Variants in TMEM74 observed in about 807,000 individuals in gnomAD.
TMEM74 encodes transmembrane protein 74.
TMEM74 carries 13 observed loss-of-function variants against 18.1 expected under a neutral mutation model. The ratio of observed to expected loss-of-function variants is 0.72; its 90% CI spans 0.47 to 1.14. The LOEUF (loss-of-function observed/expected upper bound fraction) is 1.14, where lower values mean the gene tolerates loss of function less well. TMEM74 is among the 50% of genes most tolerant of loss of function. TMEM74 has a pLI of 0.00. For synonymous variants in TMEM74, 159 were observed against 146.6 expected (o/e 1.08, Z -0.61); for missense variants, 372 against 375.9 (o/e 0.99, Z 0.09).
At chr8:108,718,465 C>T (rs551745380) in intron 1 of TMEM74, among the ~76,000 whole-genome samples, 2 of 152,162 alleles carry the variant, frequency 1.3e-5, no homozygotes, top group Non-Finnish European at 2.9e-5. Flanking sequence ...AACCTCTGTT[C>T]ACAACAGCAG....
chr8:108,733,778 G>A (rs1166868558), intron 1 of TMEM74, among the ~76,000 whole-genome samples: 2 of 152,126 alleles, frequency 1.3e-5, no homozygotes, highest in Non-Finnish European at 1.5e-5. Flanking sequence ...TCCTAGAAAG[G>A]GATTGTTCAT....
At chr8:108,765,407 C>CTTTTTTTTTTTTTTTTTTTTT (rs61334796) in intron 1 of TMEM74, among the ~76,000 whole-genome samples, 12 of 120,710 alleles carry the variant, frequency 9.9e-5, no homozygotes, top group African/African-American at 3.5e-4. Context: ...TTTGGAACTA[C>CTTTTTTTTTTTTTTTTTTTTT]TTTTTTTTTT....
At chr8:108,685,558 C>T (rs1331709873) in intron 1 of TMEM74, among the ~76,000 whole-genome samples, 3 of 152,096 alleles carry the variant, frequency 2.0e-5, no homozygotes, top group African/African-American at 7.2e-5. Flanking sequence ...AAATAGCAAA[C>T]ATAATACTTA....
chr8:108,648,138 G>A (rs1184877414), intron 2 of TMEM74, among the ~76,000 whole-genome samples: 1 of 152,082 alleles, frequency 6.6e-6, no homozygotes, highest in Non-Finnish European at 1.5e-5. Flanking sequence ...TTCTTACAAT[G>A]TGATGTCACA....
chr8:108,708,090 A>G (rs759436528), intron 1 of TMEM74, among the ~76,000 whole-genome samples: 6 of 152,002 alleles, frequency 3.9e-5, no homozygotes, highest in Non-Finnish European at 8.8e-5. Context: ...TGAGTACCCA[A>G]TGTTTAGCTC....
chr8:108,724,405 T>C (rs1285549194), intron 1 of TMEM74, among the ~76,000 whole-genome samples: 1 of 152,180 alleles, frequency 6.6e-6, no homozygotes, highest in African/African-American at 2.4e-5. Context: ...ATAAATGTTA[T>C]GAAATCAAGT....
rs1231024456 is a variant in TMEM74, at chr8:108,781,657, AAAT to A, written c.*2521_*2523del. Among the ~76,000 whole-genome samples the A allele has an allele frequency of 3.9e-5, 6 of 152,200 alleles. No homozygotes were observed. The highest frequency in any genetic ancestry group is 7.3e-5 in the Non-Finnish European group (5 of 68,036). ...AGGTGCTCTATATGTTAGCAGATTT[AAAT>A]AATGTTGAAGTGTGCATTTACTTAC... On this transcript the variant is annotated 3_prime_UTR_variant, in exon 2 of 2. Transcript: ENST00000297459.
At chr8:108,652,766 G>A in intron 2 of TMEM74, 2 of 529,344 alleles carry the variant, frequency 3.8e-6, no homozygotes, top group South Asian at 1.9e-5. Context: ...GACAAAGGCT[G>A]TGTATCAATT....
intron 2 of TMEM74, among the ~76,000 whole-genome samples, chr8:108,618,751 T>C (rs943633366): frequency 1.3e-5 from 2 of 152,202 alleles, no homozygotes; most frequent in African/African-American, 4.8e-5. Context: ...TTATGTTTAG[T>C]ATGTTTTATT....
chr8:108,772,999 T>C (rs1195658583), intron 1 of TMEM74, among the ~76,000 whole-genome samples: 1 of 152,130 alleles, frequency 6.6e-6, no homozygotes, highest in Non-Finnish European at 1.5e-5. Flanking sequence ...CATCAATAAG[T>C]AAGTTACTTA....
chr8:108,663,361 A>C lies in TMEM74; in HGVS notation n.120-7924T>G, dbSNP rs536870096. Among the ~76,000 whole-genome samples, 8 of 152,324 alleles carry C rather than the reference A, an allele frequency of 5.3e-5. No individual in the cohort carries two copies. The South Asian group carries it at 1.7e-3, about 32-fold the overall frequency. On this transcript the variant is annotated intron_variant and non_coding_transcript_variant, in intron 1 of 3. Transcript: ENST00000518838. ...CATGCGGTCAACAAACATATGGAAA[A>C]AAGCTCAACATCACTGATTTAGAGA...
intron 2 of TMEM74, among the ~76,000 whole-genome samples, chr8:108,647,966 G>A (rs1373114201): frequency 6.6e-6 from 1 of 152,118 alleles, no homozygotes; most frequent in Non-Finnish European, 1.5e-5. Context: ...GCCAGGAAAA[G>A]ATAATGCATT....
chr8:108,778,313 C>T (rs528275968), downstream of TMEM74, among the ~76,000 whole-genome samples: 17 of 152,216 alleles, frequency 1.1e-4, no homozygotes, highest in South Asian at 3.5e-3. Context: ...CTCTTTGAGA[C>T]CTTTCAGACT....
At chr8:108,666,997 T>C (rs1280872143) in intron 1 of TMEM74, among the ~76,000 whole-genome samples, 1 of 152,152 alleles carries the variant, frequency 6.6e-6, no homozygotes, top group Non-Finnish European at 1.5e-5. Context: ...TTAAAATAGT[T>C]AGGTTCATCC....
chr8:108,646,677 C>CA (rs1812723434), intron 2 of TMEM74, among the ~76,000 whole-genome samples: 1 of 152,116 alleles, frequency 6.6e-6, no homozygotes, highest in Non-Finnish European at 1.5e-5. Flanking sequence ...AATATTCAGG[C>CA]ATTAACAGTG....
intron 2 of TMEM74, among the ~76,000 whole-genome samples, chr8:108,614,596 C>A (rs1812365809): frequency 6.6e-6 from 1 of 152,120 alleles, no homozygotes; most frequent in Admixed American, 6.6e-5. Context: ...TGCTACTAAA[C>A]CATCTGCAAT....
chr8:108,611,471 T>A (rs1290731751), intron 2 of TMEM74, among the ~76,000 whole-genome samples: 1 of 152,218 alleles, frequency 6.6e-6, no homozygotes, highest in Non-Finnish European at 1.5e-5. Flanking sequence ...TATTTCATAT[T>A]ATAGAACCTT....
At chr8:108,754,424 G>T (rs2130654965) in intron 1 of TMEM74, among the ~76,000 whole-genome samples, 1 of 152,072 alleles carries the variant, frequency 6.6e-6, no homozygotes, top group South Asian at 2.1e-4. Context: ...GTCCTTGTGT[G>T]ATCCCTTCCA....
chr8:108,778,122 C>T (rs1271409439), downstream of TMEM74, among the ~76,000 whole-genome samples: 1 of 152,030 alleles, frequency 6.6e-6, no homozygotes, highest in Non-Finnish European at 1.5e-5. Context: ...TATTTATGTT[C>T]ATTGATACAT....
Sources: allele counts gnomAD v4.1 joint callset (sites outside exome capture counted in the v4.1 genomes callset), GRCh38; gene constraint gnomAD v4.1.1; transcripts MANE v1.5; gene names NCBI Gene and HGNC (gene_info 2026-07-23, HGNC 2026-07-21).